Variants in FRAS1 observed in about 807,000 individuals in gnomAD.
FRAS1 encodes the protein extracellular matrix organizing protein FRAS1.
FRAS1 carries 290 observed loss-of-function variants against 435.2 expected under a neutral mutation model. The ratio of observed to expected loss-of-function variants is 0.67; its 90% confidence interval spans 0.61 to 0.73. The LOEUF (loss-of-function observed/expected upper bound fraction) is 0.73, where lower values mean the gene tolerates loss of function less well. Ranked by LOEUF, FRAS1 falls within the 30% of genes least tolerant of loss-of-function variation. The pLI is 0.00. For missense variants in FRAS1, 4,860 were observed against 5,001.5 expected, an observed-to-expected ratio of 0.97 and a Z score of 0.85; for synonymous variants, 1,800 against 1,851.0, an observed-to-expected ratio of 0.97 and a Z score of 0.71.
intron 2 of FRAS1, among the ~76,000 whole-genome samples, chr4:78,186,251 CT>C (rs879736836): frequency 1.2e-3 from 182 of 146,200 alleles, no homozygotes; most frequent in Admixed American, 1.4e-3. Flanking sequence ...CTTGCTCATA[CT>C]TTTTTTTTTT....
At chr4:78,253,212 GAA>G (rs1281051996) in intron 5 of FRAS1, among the ~76,000 whole-genome samples, 2 of 152,180 alleles carry the variant, frequency 1.3e-5, no homozygotes, top group African/African-American at 4.8e-5. Context: ...TCTGCAAGAA[GAA>G]AAAATATGGC....
At chr4:78,449,356 G>A (rs1718949303) in intron 44 of FRAS1, among the ~76,000 whole-genome samples, 1 of 152,124 alleles carries the variant, frequency 6.6e-6, no homozygotes, top group Admixed American at 6.5e-5. Context: ...TTGTCTGAGA[G>A]GAAGACATTA....
At position 78,337,833 on chromosome 4, in the gene FRAS1, G is replaced by A; in HGVS notation, c.2422+16G>A. The A allele has an allele frequency of 6.2e-7, 1 of 1,613,752 alleles. No individual in the cohort carries two copies. The highest frequency in any genetic ancestry group is 8.5e-7 in the Non-Finnish European group (1 of 1,179,744). On this transcript the variant is annotated intron_variant, in intron 20 of 73. Transcript: ENST00000512123. ...TACTGTGCTGGTGAGTGAAACTCCT[G>A]TGGACTCCTCGGAAATCACTGGGCA... is the stretch of plus-strand genomic sequence containing the variant.
chr4:78,522,828 C>T lies in FRAS1; in HGVS notation c.10808+20C>T, dbSNP rs199786207. On this transcript the variant is annotated intron_variant, in intron 69 of 73. Transcript: ENST00000512123. ...TAACAGGTAAATACAGTGATGGAGGCCTCCATGGGTAGAGCTGAATGGTTT... is the reference window on the plus strand; with the variant it reads ...TAACAGGTAAATACAGTGATGGAGGTCTCCATGGGTAGAGCTGAATGGTTT... 68 of 1,580,288 alleles carry T rather than the reference C, an allele frequency of 4.3e-5. No individual in the cohort carries two copies. The highest frequency in any genetic ancestry group is 2.2e-4 in the Admixed American group (12 of 53,760).
rs376675521 is a variant in FRAS1 at position 78,473,488 on chromosome 4, C to T, written c.7573C>T (p.Arg2525Cys). The T allele has an allele frequency of 3.4e-5, 55 of 1,613,070 alleles. No individual in the cohort carries two copies. Among genetic ancestry groups the T allele is most frequent in the South Asian group, 5.5e-5 (5 of 90,994 alleles). ...TTATGTGTTGCACAAGGAGAAGATC[C>T]GTGAGATGATGGATAGTTTTCAGTT... Reference protein sequence around the residue: ...IRYVLHKEKIREMMDSFQFLV... With the variant: ...IRYVLHKEKICEMMDSFQFLV... Residue 2525 changes from arginine (R) to cysteine (C), a missense_variant, in exon 53 of 74, where the codon CGT becomes TGT. Coordinates refer to ENST00000512123, the MANE Select transcript of FRAS1 (RefSeq NM_025074.7).
At chr4:78,519,944 C>T (rs1414783499) in intron 67 of FRAS1, among the ~76,000 whole-genome samples, 2 of 152,198 alleles carry the variant, frequency 1.3e-5, no homozygotes, top group Admixed American at 1.3e-4. Context: ...AGAGTCTGCT[C>T]TTTAATTGCA....
At chr4:78,522,882 G>A (rs571649660) in intron 69 of FRAS1, 74 bp downstream of exon 69, 6 of 1,298,698 alleles carry the variant, frequency 4.6e-6, no homozygotes, top group Non-Finnish European at 6.2e-6. Context: ...TTGGGAAATA[G>A]TGCTTTCCTC....
intron 2 of FRAS1, among the ~76,000 whole-genome samples, chr4:78,105,180 C>A (rs1299739473): frequency 1.3e-5 from 2 of 152,184 alleles, no homozygotes; most frequent in Admixed American, 6.5e-5. Context: ...TTAGGCTTGG[C>A]TTGGCAGAGT....
chr4:78,518,263 CTT>C (rs1170243759), intron 66 of FRAS1, among the ~76,000 whole-genome samples: 1 of 151,608 alleles, frequency 6.6e-6, no homozygotes, highest in Non-Finnish European at 1.5e-5. Flanking sequence ...TAAAAAAAAA[CTT>C]TAGAAAAATA....
intron 2 of FRAS1, among the ~76,000 whole-genome samples, chr4:78,227,893 C>A (rs1435121197): frequency 6.6e-6 from 1 of 152,128 alleles, no homozygotes; most frequent in Non-Finnish European, 1.5e-5. Flanking sequence ...AAATAGTTAG[C>A]AATTCTCCAA....
chr4:78,334,493 C>T (rs1245354410), intron 19 of FRAS1, among the ~76,000 whole-genome samples: 1 of 151,288 alleles, frequency 6.6e-6, no homozygotes, highest in African/African-American at 2.4e-5. Context: ...GCCTCAGCCT[C>T]CCGAGTAGCT....
At chr4:78,113,411 C>T (rs957962315) in intron 2 of FRAS1, among the ~76,000 whole-genome samples, 1 of 152,176 alleles carries the variant, frequency 6.6e-6, no homozygotes, top group Non-Finnish European at 1.5e-5. Flanking sequence ...ACACTGACTT[C>T]CACAATGGTT....
chr4:78,450,784 G>C (rs576175310), intron 45 of FRAS1, among the ~76,000 whole-genome samples: 6 of 152,128 alleles, frequency 3.9e-5, no homozygotes, highest in Non-Finnish European at 7.4e-5. Context: ...GAGCTGCCTA[G>C]GGGAAATTAC....
chr4:78,458,662 T>C (rs1719277524), intron 47 of FRAS1, among the ~76,000 whole-genome samples: 1 of 152,188 alleles, frequency 6.6e-6, no homozygotes, highest in Non-Finnish European at 1.5e-5. Context: ...CAATATACCC[T>C]GTAACAAACC....
At chr4:78,488,847 G>A in intron 58 of FRAS1, 28 bp from the exon 59 acceptor site, 1 of 1,600,540 alleles carries the variant, frequency 6.2e-7, no homozygotes. Context: ...CACTAATGGT[G>A]CGTCTGTCTT....
chr4:78,163,064 GATGAC>G (rs1404048999), intron 2 of FRAS1, among the ~76,000 whole-genome samples: 3 of 152,184 alleles, frequency 2.0e-5, no homozygotes, highest in Admixed American at 6.5e-5. Flanking sequence ...GCAACAGGCA[GATGAC>G]ACACAGTTGT....
At chr4:78,258,722 ATACTTT>A (rs1462347542) in intron 6 of FRAS1, among the ~76,000 whole-genome samples, 8 of 138,194 alleles carry the variant, frequency 5.8e-5, no homozygotes, top group Non-Finnish European at 1.6e-5. Context: ...TATTATTATT[ATACTTT>A]AAGTTTTAGG....
intron 63 of FRAS1, 64 bp downstream of exon 63, chr4:78,509,070 A>G: frequency 7.5e-6 from 11 of 1,457,886 alleles, no homozygotes; most frequent in Non-Finnish European, 1.1e-5. Flanking sequence ...GTTCTTTGTT[A>G]CTCAGATAAT....
intron 44 of FRAS1, 97 bp downstream of exon 44, chr4:78,448,413 G>A: frequency 8.7e-7 from 1 of 1,150,344 alleles, no homozygotes; most frequent in Non-Finnish European, 1.2e-6. Flanking sequence ...TGATGTGGGT[G>A]CATCTTAAAG....
Sources: allele counts gnomAD v4.1 joint callset (sites outside exome capture counted in the v4.1 genomes callset), GRCh38; gene constraint gnomAD v4.1.1; transcripts MANE v1.5; gene names NCBI Gene and HGNC (gene_info 2026-07-23, HGNC 2026-07-21).